The following STK39 variants were observed in gnomAD, a reference collection of about 807,000 sequenced individuals.
The protein encoded by STK39 is STE20/SPS1-related proline-alanine-rich protein kinase.
In STK39, 20 loss-of-function variants were observed where a neutral mutation model predicts 77.8. That is an observed-to-expected ratio of 0.26 (90% CI 0.18 to 0.37). The LOEUF (loss-of-function observed/expected upper bound fraction) is 0.37, where lower values mean the gene tolerates loss of function less well. Among genes scored for constraint, STK39 ranks in the 10% least tolerant of loss-of-function variants. STK39 has a pLI of 1.00. For synonymous variants in STK39, 246 were observed against 234.1 expected, an observed-to-expected ratio of 1.05 and a Z score of -0.47; for missense variants, 479 against 656.5, an observed-to-expected ratio of 0.73 and a Z score of 2.95.
intron 16 of STK39, among the ~76,000 whole-genome samples, chr2:167,988,291 T>C (rs1212134629): frequency 1.3e-5 from 2 of 152,136 alleles, no homozygotes; most frequent in Non-Finnish European, 2.9e-5. Flanking sequence ...AAGCTGATTT[T>C]TTTCCTGCAA....
chr2:168,125,245 G>A (rs1306222950), intron 10 of STK39, among the ~76,000 whole-genome samples: 2 of 151,728 alleles, frequency 1.3e-5, no homozygotes, highest in East Asian at 3.9e-4. Flanking sequence ...GATGCACACA[G>A]CCCTAAGCAT....
At chr2:168,232,911 C>A (rs1388668498) in intron 1 of STK39, among the ~76,000 whole-genome samples, 11 of 144,290 alleles carry the variant, frequency 7.6e-5, no homozygotes, top group African/African-American at 1.6e-4. Context: ...GATGCTGTCT[C>A]AAAAAAAAAA....
chr2:167,988,847 G>C (rs1004602774), intron 16 of STK39, among the ~76,000 whole-genome samples: 2 of 152,174 alleles, frequency 1.3e-5, no homozygotes. Context: ...AGAGGACTGA[G>C]AAGACTGGCA....
chr2:168,118,370 A>G (rs1408060467), intron 10 of STK39, among the ~76,000 whole-genome samples: 1 of 152,190 alleles, frequency 6.6e-6, no homozygotes, highest in Non-Finnish European at 1.5e-5. Flanking sequence ...AAATTTGTAG[A>G]AACAGTATCT....
At chr2:167,961,838 G>A (rs562817071) in intron 17 of STK39, among the ~76,000 whole-genome samples, 7 of 152,258 alleles carry the variant, frequency 4.6e-5, no homozygotes, top group South Asian at 4.2e-4. Context: ...AATATCTGTC[G>A]TAAGACCAGA....
At chr2:168,214,071 GAGCAGCATGGA>G (rs1364461435) in intron 1 of STK39, among the ~76,000 whole-genome samples, 3 of 152,140 alleles carry the variant, frequency 2.0e-5, no homozygotes, top group African/African-American at 2.4e-5. Flanking sequence ...AACAGTGGTG[GAGCAGCATGGA>G]CTCTAGAGCC....
intron 10 of STK39, among the ~76,000 whole-genome samples, chr2:168,105,191 T>C (rs756866902): frequency 1.6e-4 from 24 of 152,216 alleles, no homozygotes; most frequent in Non-Finnish European, 2.8e-4. Flanking sequence ...TTATAACCTC[T>C]AGCTTTTGCC....
At chr2:168,080,022 C>T (rs1371908610) in intron 10 of STK39, among the ~76,000 whole-genome samples, 1 of 152,160 alleles carries the variant, frequency 6.6e-6, no homozygotes, top group African/African-American at 2.4e-5. Flanking sequence ...CTCTCTGCTA[C>T]TGCAGCTTAC....
At chr2:168,142,167 G>A (rs1687999976) in intron 5 of STK39, among the ~76,000 whole-genome samples, 1 of 152,160 alleles carries the variant, frequency 6.6e-6, no homozygotes, top group Non-Finnish European at 1.5e-5. Context: ...GAAGTCTTGT[G>A]AAAAGAAATC....
At chr2:168,004,975 G>A (rs16854518) in intron 16 of STK39, among the ~76,000 whole-genome samples, 5,826 of 143,610 alleles carry the variant, frequency 0.041, 429 homozygotes, top group African/African-American at 0.14. Flanking sequence ...ACCTTAGCAA[G>A]CACTAGGGGA....
intron 16 of STK39, among the ~76,000 whole-genome samples, chr2:167,973,923 T>C (rs575547201): frequency 1.3e-5 from 2 of 152,314 alleles, no homozygotes; most frequent in African/African-American, 4.8e-5. Flanking sequence ...AGTACTAATA[T>C]GCTCTTTAAC....
intron 16 of STK39, among the ~76,000 whole-genome samples, chr2:167,980,209 A>C (rs1683378079): frequency 6.6e-6 from 1 of 152,250 alleles, no homozygotes; most frequent in South Asian, 2.1e-4. Context: ...TTAAAAAACA[A>C]ACACTTATGG....
intron 16 of STK39, among the ~76,000 whole-genome samples, chr2:167,994,604 A>G (rs187746145): frequency 5.9e-5 from 9 of 151,816 alleles, no homozygotes; most frequent in Admixed American, 5.9e-4. Context: ...CCCCATTCCC[A>G]CCTCCTCCCA....
chr2:168,019,286 T>TGA (rs1034000597), intron 14 of STK39, among the ~76,000 whole-genome samples: 2 of 152,190 alleles, frequency 1.3e-5, no homozygotes, highest in Non-Finnish European at 2.9e-5. Flanking sequence ...TAAAATATTC[T>TGA]GAGAGAGAGA....
intron 1 of STK39, among the ~76,000 whole-genome samples, chr2:168,209,452 A>AGAT (rs1689827163): frequency 6.6e-6 from 1 of 152,016 alleles, no homozygotes; most frequent in Admixed American, 6.6e-5. Flanking sequence ...GGAGGTGGGC[A>AGAT]GATCCCCTGA....
chr2:168,069,759 C>G (rs1410992122), intron 12 of STK39, among the ~76,000 whole-genome samples: 3 of 152,116 alleles, frequency 2.0e-5, no homozygotes, highest in African/African-American at 4.8e-5. Context: ...GGACATCATC[C>G]CAAATTACCA....
intron 2 of STK39, among the ~76,000 whole-genome samples, chr2:168,178,976 G>T (rs1396450527): frequency 1.3e-5 from 2 of 152,182 alleles, no homozygotes; most frequent in African/African-American, 4.8e-5. Flanking sequence ...GTCAGTGGGG[G>T]CTGAGCTGGG....
chr2:168,236,594 G>T (rs995851216), intron 1 of STK39, among the ~76,000 whole-genome samples: 15 of 152,264 alleles, frequency 9.9e-5, no homozygotes, highest in South Asian at 4.1e-4. Context: ...GGTCTAACAT[G>T]TAAGTCTTTA....
chr2:167,997,478 C>T (rs1160752447), intron 16 of STK39, among the ~76,000 whole-genome samples: 1 of 152,172 alleles, frequency 6.6e-6, no homozygotes, highest in Non-Finnish European at 1.5e-5. Context: ...CAGTAATTCT[C>T]ATAACCATTC....
Sources: allele counts gnomAD v4.1 joint callset (sites outside exome capture counted in the v4.1 genomes callset), GRCh38; gene constraint gnomAD v4.1.1; transcripts MANE v1.5; gene names NCBI Gene and HGNC (gene_info 2026-07-23, HGNC 2026-07-21).